GLIS3: variants seen among roughly 807,000 people sequenced by gnomAD.
GLIS3 encodes GLIS family zinc finger 3.
GLIS3 carries 53 observed loss-of-function variants against 78.6 expected under a neutral mutation model. That is an observed-to-expected ratio of 0.67 (90% CI 0.54 to 0.85). The LOEUF (loss-of-function observed/expected upper bound fraction) is 0.85, where lower values mean the gene tolerates loss of function less well. Ranked by LOEUF, GLIS3 falls within the 40% of genes least tolerant of loss-of-function variation. GLIS3 has a pLI of 0.00. For synonymous variants in GLIS3, 684 were observed against 509.9 expected (o/e 1.34, Z -4.60); for missense variants, 1,703 against 1,231.1 (o/e 1.38, Z -5.74).
At chr9:4,042,661 T>C (rs1471349155) in intron 4 of GLIS3, among the ~76,000 whole-genome samples, 1 of 152,158 alleles carries the variant, frequency 6.6e-6, no homozygotes, top group Non-Finnish European at 1.5e-5. Context: ...ATTAACATCA[T>C]GCTGCAAACA....
At chr9:3,904,117 C>T (rs773647600) in intron 6 of GLIS3, among the ~76,000 whole-genome samples, 15 of 152,186 alleles carry the variant, frequency 9.9e-5, no homozygotes, top group Non-Finnish European at 1.9e-4. Context: ...GGTGTGACTA[C>T]TGTGCTGGTT....
intron 4 of GLIS3, among the ~76,000 whole-genome samples, chr9:3,941,815 C>G (rs192371029): frequency 6.6e-6 from 1 of 152,192 alleles, no homozygotes; most frequent in Non-Finnish European, 1.5e-5. Context: ...TATTGCAAAC[C>G]TAAAGAATCT....
intron 6 of GLIS3, among the ~76,000 whole-genome samples, chr9:3,927,361 C>T (rs1825325958): frequency 1.3e-5 from 2 of 152,186 alleles, no homozygotes; most frequent in Non-Finnish European, 1.5e-5. Flanking sequence ...CCTAATGTTA[C>T]CTTCCTTCTG....
chr9:4,288,645 AG>A (rs1828199580), intron 1 of GLIS3, among the ~76,000 whole-genome samples: 1 of 152,228 alleles, frequency 6.6e-6, no homozygotes, highest in African/African-American at 2.4e-5. Context: ...ATTAAGTATC[AG>A]GCATTCACAT....
At chr9:4,019,330 G>T (rs1158503410) in intron 4 of GLIS3, among the ~76,000 whole-genome samples, 1 of 152,102 alleles carries the variant, frequency 6.6e-6, no homozygotes, top group Non-Finnish European at 1.5e-5. Context: ...ACATCACAGA[G>T]CCAGCAAAGA....
chr9:4,148,219 T>C (rs1024159105), intron 2 of GLIS3, among the ~76,000 whole-genome samples: 1 of 152,156 alleles, frequency 6.6e-6, no homozygotes, highest in Admixed American at 6.5e-5. Context: ...CTCTTACTAA[T>C]TATTGCTGAT....
chr9:3,940,307 G>A (rs1350651649), intron 4 of GLIS3, among the ~76,000 whole-genome samples: 2 of 151,968 alleles, frequency 1.3e-5, no homozygotes, highest in African/African-American at 4.8e-5. Context: ...TCTTTAATGA[G>A]CAAGCATGTC....
chr9:4,234,907 G>A (rs1024719424), intron 2 of GLIS3, among the ~76,000 whole-genome samples: 1 of 152,180 alleles, frequency 6.6e-6, no homozygotes, highest in African/African-American at 2.4e-5. Flanking sequence ...AGTCCCTAGA[G>A]TTGGAAGGAC....
intron 1 of GLIS3, among the ~76,000 whole-genome samples, chr9:4,288,257 T>G (rs11793693): frequency 1.4e-4 from 21 of 152,226 alleles, no homozygotes; most frequent in Non-Finnish European, 2.4e-4. Context: ...TTCCTCTCAT[T>G]GATAAAATAG....
chr9:4,003,978 G>T (rs586989), intron 4 of GLIS3, among the ~76,000 whole-genome samples: 1 of 152,104 alleles, frequency 6.6e-6, no homozygotes, highest in East Asian at 1.9e-4. Flanking sequence ...TTATTATGAT[G>T]CCCCAGTGCA....
chr9:4,322,649 C>A (rs1341817927), intron 2 of GLIS3, among the ~76,000 whole-genome samples: 2 of 152,180 alleles, frequency 1.3e-5, no homozygotes, highest in African/African-American at 4.8e-5. Context: ...ATTTGCATTT[C>A]TCTGATGACC....
chr9:4,280,882 C>T (rs145924686), intron 2 of GLIS3, among the ~76,000 whole-genome samples: 1 of 152,036 alleles, frequency 6.6e-6, no homozygotes, highest in Non-Finnish European at 1.5e-5. Flanking sequence ...TAGCAGCAAG[C>T]ACCTACTGCA....
intron 2 of GLIS3, chr9:4,145,204 T>C (rs555476980): frequency 6.6e-6 from 1 of 152,282 alleles, no homozygotes; most frequent in African/African-American, 2.4e-5. Context: ...GGGCAAGTCT[T>C]TGGGATGGCA....
At chr9:3,944,402 T>C (rs1271771973) in intron 4 of GLIS3, among the ~76,000 whole-genome samples, 1 of 152,232 alleles carries the variant, frequency 6.6e-6, no homozygotes, top group Admixed American at 6.5e-5. Flanking sequence ...ATTTAAGACA[T>C]ATCACATGGC....
chr9:4,214,372 A>C (rs1396751837), intron 2 of GLIS3, among the ~76,000 whole-genome samples: 2 of 152,202 alleles, frequency 1.3e-5, no homozygotes, highest in African/African-American at 2.4e-5. Context: ...CTTCTGGATT[A>C]CTTAGTGTCA....
chr9:4,461,536 C>T, the GLIS3 span, among the ~76,000 whole-genome samples: 85,470 of 151,902 alleles, frequency 0.56, 24,097 homozygotes, highest in Middle Eastern at 0.72. Context: ...ACGATTACAA[C>T]AGGTGTTACT....
the GLIS3 span, among the ~76,000 whole-genome samples, chr9:4,485,189 A>C: frequency 1.3e-5 from 2 of 151,560 alleles, no homozygotes; most frequent in African/African-American, 4.9e-5. Flanking sequence ...TAATTTTTGT[A>C]TTTTTAGTAG....
At chr9:4,062,771 CA>C (rs990325408) in intron 4 of GLIS3, among the ~76,000 whole-genome samples, 1 of 151,518 alleles carries the variant, frequency 6.6e-6, no homozygotes, top group Non-Finnish European at 1.5e-5. Context: ...ACTAAAAATA[CA>C]AAAAAAATTA....
intron 1 of GLIS3, among the ~76,000 whole-genome samples, chr9:4,289,110 G>C (rs569888688): frequency 6.6e-6 from 1 of 152,182 alleles, no homozygotes; most frequent in Non-Finnish European, 1.5e-5. Context: ...CCCTCATAGA[G>C]TGTGAATGAA....
Sources: gnomAD v4.1 joint callset for allele counts (sites outside exome capture counted in the v4.1 genomes callset) on GRCh38, gnomAD v4.1.1 for gene constraint, MANE v1.5 for transcripts, NCBI Gene and HGNC (gene_info 2026-07-23, HGNC 2026-07-21) for gene names.